The following SAMD9L variants were observed in gnomAD, a reference collection of about 807,000 sequenced individuals.
SAMD9L encodes sterile alpha motif domain containing 9 like.
In SAMD9L, 68 loss-of-function variants were observed where a neutral mutation model predicts 90.7. The observed-to-expected ratio is 0.75, with a 90% CI of 0.62 to 0.92. SAMD9L has a LOEUF of 0.92. Among genes scored for constraint, SAMD9L ranks in the 40% least tolerant of loss-of-function variants. The pLI, the probability that SAMD9L is intolerant of heterozygous loss-of-function variation, is 0.00. For missense variants in SAMD9L, 1,604 were observed against 1,824.3 expected, an observed-to-expected ratio of 0.88 and a Z score of 2.20; for synonymous variants, 640 against 630.1, an observed-to-expected ratio of 1.02 and a Z score of -0.23.
Position 93,135,513 on chromosome 7 carries a change from C to T in SAMD9L, c.459G>A (p.Lys153=). ...TCAATTGTTCAGGTTTTAGCTTACC[C>T]TTTTTCTTGTGTTTAGCATTTGCTA... The part of the protein sequence containing the change: ...DEVANAKHKK[K]GKLKPEQLTC... Residue 153 remains lysine (K), a synonymous_variant, in exon 5 of 5, where the codon AAG becomes AAA. Coordinates refer to ENST00000318238, the MANE Select transcript of SAMD9L (RefSeq NM_152703.5). The T allele has an allele frequency of 1.9e-6, 3 of 1,614,060 alleles. No individual in the cohort carries two copies. The highest frequency in any genetic ancestry group is 2.2e-5 in the South Asian group (2 of 91,072).
Position 93,132,169 on chromosome 7 carries a change from A to G in SAMD9L, c.3803T>C (p.Phe1268Ser). The G allele has an allele frequency of 6.2e-7, 1 of 1,613,330 alleles. No homozygotes were observed. The highest frequency in any genetic ancestry group is 8.5e-7 in the Non-Finnish European group (1 of 1,179,754). Residue 1268 changes from phenylalanine to serine, a missense_variant, in exon 5 of 5, where the codon TTT becomes TCT. By Grantham distance (155) the Phe-to-Ser change is radical. This residue lies in a region of SAMD9L where 302 missense variants were observed against 314.7 expected (regional missense o/e 0.96). Coordinates refer to ENST00000318238, the MANE Select transcript of SAMD9L (RefSeq NM_152703.5). ...KNLQSDLKRC[F>S]DFFIDYMVLL... ...AACCATATAATCAATAAAAAAGTCAAAGCACCTTTTCAGATCTGATTGTAA... is the reference window on the plus strand; with the variant it reads ...AACCATATAATCAATAAAAAAGTCAGAGCACCTTTTCAGATCTGATTGTAA...
Position 93,134,397 on chromosome 7 carries a change from G to A in SAMD9L, c.1575C>T (p.Val525=), listed in dbSNP as rs759720224. The A allele has an allele frequency of 6.2e-7, 1 of 1,612,876 alleles. No homozygotes were observed. The highest frequency in any genetic ancestry group is 8.5e-7 in the Non-Finnish European group (1 of 1,179,720). ...CTGTGAGAAATAAAATTAGTTTCCT[G>A]ACTTCTGAAGCTCTTTCTCTCTGCC... ...HLWQRERASE[V]RKLILFLTDE... The change falls in exon 5 of 5, where the codon GTC becomes GTT. Residue 525 remains valine, a synonymous_variant. Transcript: ENST00000318238.
rs537748493 is a variant in SAMD9L at position 93,131,333 on chromosome 7, G to A, written c.4639C>T (p.Pro1547Ser). The change falls in exon 5 of 5, where the codon CCA becomes TCA. Residue 1547 changes from proline (P) to serine (S), a missense_variant. Transcript: ENST00000318238. ...GGACCTGAATAAACAGATATTACTG[G>A]TATTTTTATTTTTTCCTCTGTTCCA... ...EYGTEEKIKI[P>S]VISVYSGPLR... The A allele has an allele frequency of 6.2e-7, 1 of 1,613,298 alleles. No homozygotes were observed. The highest frequency in any genetic ancestry group is 8.5e-7 in the Non-Finnish European group (1 of 1,179,560).
rs1584278725 is a variant in SAMD9L, at chr7:93,134,055, T to C, written c.1917A>G (p.Gly639=). Residue 639 remains glycine, a synonymous_variant, in exon 5 of 5, where the codon GGA becomes GGG. Coordinates refer to ENST00000318238, the MANE Select transcript of SAMD9L (RefSeq NM_152703.5). Reference sequence around the variant, plus strand: ...TTTTCTCTAGGATAACTGAAGAAGATCCACGGGCGGGCAAAAACCTTCTTG... The same window carrying C: ...TTTTCTCTAGGATAACTGAAGAAGACCCACGGGCGGGCAAAAACCTTCTTG... The part of the protein sequence containing the change: ...RSSRRFLPAR[G]SSSVILEKKK... 2 of 1,613,924 alleles carry C rather than the reference T, an allele frequency of 1.2e-6. No individual in the cohort carries two copies. Among genetic ancestry groups the C allele is most frequent in the Admixed American group, 3.3e-5 (2 of 59,980 alleles).
chr7:93,140,397 C>T (rs1335237113), intron 4 of SAMD9L, among the ~76,000 whole-genome samples: 4 of 150,054 alleles, frequency 2.7e-5, no homozygotes, highest in Admixed American at 2.6e-4. Context: ...TGGCCCTCCA[C>T]ACCCTGACTG....
rs373300673 is a variant in SAMD9L at position 93,134,111 on chromosome 7, T to A, written c.1861A>T (p.Ile621Phe). The change falls in exon 5 of 5, where the codon ATC (isoleucine) becomes TTC (phenylalanine). Residue 621 changes from isoleucine (I) to phenylalanine (F), a missense_variant. Physicochemically the swap from Ile to Phe is conservative, Grantham distance 21. Around this residue, in one of 7 missense-constraint regions of SAMD9L, gnomAD observed 606 missense variants for 717.6 expected, o/e 0.84. Coordinates refer to ENST00000318238, the MANE Select transcript of SAMD9L (RefSeq NM_152703.5). Reference protein sequence around the residue: ...TLNIELVNSTILKLKSVTRSS... With the variant: ...TLNIELVNSTFLKLKSVTRSS... Reference sequence around the variant, plus strand: ...CGAGTCACCGATTTTAGTTTAAGGATAGTGCTGTTTACCAGTTCTATATTT... The same window carrying A: ...CGAGTCACCGATTTTAGTTTAAGGAAAGTGCTGTTTACCAGTTCTATATTT... The A allele has an allele frequency of 2.5e-6, 4 of 1,613,858 alleles. No individual in the cohort carries two copies. In the African/African-American group the frequency reaches 5.3e-5, roughly 22 times the overall value.
intron 4 of SAMD9L, among the ~76,000 whole-genome samples, chr7:93,144,091 G>A (rs1359349499): frequency 1.3e-5 from 2 of 152,210 alleles, no homozygotes; most frequent in African/African-American, 2.4e-5. Flanking sequence ...CAGAACTAGT[G>A]TTGTCTTAGC....
At chr7:93,143,748 C>T (rs1792785880) in intron 4 of SAMD9L, among the ~76,000 whole-genome samples, 1 of 152,186 alleles carries the variant, frequency 6.6e-6, no homozygotes, top group East Asian at 1.9e-4. Flanking sequence ...TTCAATATTA[C>T]TTTCATGTGA....
At chr7:93,138,964 CAT>C (rs1433662928) in intron 4 of SAMD9L, among the ~76,000 whole-genome samples, 3 of 152,068 alleles carry the variant, frequency 2.0e-5, no homozygotes, top group Admixed American at 2.0e-4. Flanking sequence ...GAAGTCATTA[CAT>C]ATGAGATAAC....
intron 4 of SAMD9L, among the ~76,000 whole-genome samples, chr7:93,142,690 C>T (rs1584297110): frequency 6.6e-6 from 1 of 152,296 alleles, no homozygotes; most frequent in East Asian, 1.9e-4. Context: ...ACCCTAGGTC[C>T]TCAGTAAGCC....
At position 93,135,949 on chromosome 7, in the gene SAMD9L, G is replaced by A. The variant is rs1450665659; in HGVS notation, c.23C>T (p.Pro8Leu). 6.3e-7 allele frequency: 1 copy of A among 1,594,446 alleles called. No individual in the cohort carries two copies. Among genetic ancestry groups the A allele is most frequent in the African/African-American group, 1.4e-5 (1 of 73,886 alleles). The change falls in exon 5 of 5, where the codon CCT becomes CTT. Residue 8 changes from proline to leucine, a missense_variant. Pro to Leu is a moderately conservative substitution (Grantham distance 98, BLOSUM62 -3). This residue lies in a region of SAMD9L where 24 missense variants were observed against 41.8 expected (regional missense o/e 0.57). Coordinates refer to ENST00000318238, the MANE Select transcript of SAMD9L (RefSeq NM_152703.5). ...TTTGGTCCAGTCTTTAATCATTTCA[G>A]GTAGAGATACTTGTTTACTCATATC... MSKQVSL[P>L]EMIKDWTKEH...
chr7:93,143,484 A>G (rs978772855), intron 4 of SAMD9L, among the ~76,000 whole-genome samples: 1 of 152,050 alleles, frequency 6.6e-6, no homozygotes, highest in Non-Finnish European at 1.5e-5. Context: ...CTCCTCTCTC[A>G]TCAAACCTAC....
Position 93,135,339 on chromosome 7 carries a change from C to T in SAMD9L, c.633G>A (p.Val211=), listed in dbSNP as rs1409455915. The stretch of plus-strand genomic sequence containing the variant: ...CATTGCTGAATTTCATCTTAATGTC[C>T]ACTTCCGTGGCTGTTTCTGTGTTTG... The part of the protein sequence containing the change: ...ALTNTETATE[V]DIKMKFSNEV... The change falls in exon 5 of 5, where the codon GTG becomes GTA. Residue 211 remains valine (V), a synonymous_variant. Coordinates refer to ENST00000318238, the MANE Select transcript of SAMD9L (RefSeq NM_152703.5). 6.2e-7 allele frequency: 1 copy of T among 1,614,060 alleles called. No individual in the cohort carries two copies. Among genetic ancestry groups the T allele is most frequent in the Non-Finnish European group, 8.5e-7 (1 of 1,179,976 alleles).
chr7:93,137,785 T>C (rs1792517235), intron 4 of SAMD9L, among the ~76,000 whole-genome samples: 2 of 147,434 alleles, frequency 1.4e-5, no homozygotes, highest in African/African-American at 5.0e-5. Context: ...TCACAAAGTC[T>C]AGCCAAACTG....
Position 93,131,588 on chromosome 7 carries a change from G to A in SAMD9L, c.4384C>T (p.Gln1462Ter), listed in dbSNP as rs1792100285. 6.2e-7 allele frequency: 1 copy of A among 1,613,760 alleles called. No individual in the cohort carries two copies. ...TTGGACCTGCACATGCGCTTGTACT[G>A]TCCCCTGAAGGATCTATTTAAGGAT... ...VSSLNRSFRG[Q>*]YKRMCRSKQA... The change falls in exon 5 of 5, where the codon CAG becomes TAG. Residue 1462 changes from glutamine (Q) to a stop codon, truncating the protein, a stop_gained. Transcript: ENST00000318238. LOFTEE classifies it high-confidence loss of function.
rs753071620 is a variant in SAMD9L, at chr7:93,134,261, G to A, written c.1711C>T (p.Leu571Phe). ...IETFWAFYQA[L>F]KGMENMLCIS... ...CACAACATATTTTCCATTCCTTTGA[G>A]AGCTTGATAGAAAGCCCAGAAAGTT... Residue 571 changes from leucine to phenylalanine, a missense_variant, in exon 5 of 5, where the codon CTC becomes TTC. This residue lies in a region of SAMD9L where 606 missense variants were observed against 717.6 expected (regional missense o/e 0.84). Coordinates refer to ENST00000318238, the MANE Select transcript of SAMD9L (RefSeq NM_152703.5). The A allele has an allele frequency of 1.2e-6, 2 of 1,613,538 alleles. No homozygotes were observed. The highest frequency in any genetic ancestry group is 1.7e-6 in the Non-Finnish European group (2 of 1,179,862).
rs28662 is a variant in SAMD9L, at chr7:93,145,706, T to G, written c.-444A>C. The G allele has an allele frequency of 6.6e-6, 1 of 152,140 alleles. No homozygotes were observed. Among genetic ancestry groups the G allele is most frequent in the East Asian group, 1.9e-4 (1 of 5,198 alleles). The allele number at this position is 152,140 out of a possible 1,614,324, so 9.4% of individuals were successfully genotyped here. On this transcript the variant is annotated 5_prime_UTR_variant, in exon 3 of 5. Transcript: ENST00000318238. ...CCCAACTTTCTACTATGAAAATGTT[T>G]GAACATACAGAAAATTTGAAAGAAT...
intron 4 of SAMD9L, among the ~76,000 whole-genome samples, chr7:93,141,777 C>T: frequency 6.6e-6 from 1 of 152,200 alleles, no homozygotes; most frequent in East Asian, 1.9e-4. Flanking sequence ...ATTTTCAACA[C>T]AACAGCCAAC....
chr7:93,132,190 T>C lies in SAMD9L; in HGVS notation c.3782A>G (p.Gln1261Arg). The stretch of plus-strand genomic sequence containing the variant: ...GTCAAAGCACCTTTTCAGATCTGAT[T>C]GTAAATTTTTTAGGTGGGATGTGAA... ...SKFTSHLKNL[Q>R]SDLKRCFDFF... is the part of the protein sequence containing the mutation. Residue 1261 changes from glutamine to arginine, a missense_variant, in exon 5 of 5, where the codon CAA (glutamine) becomes CGA (arginine). This residue lies in a region of SAMD9L where 302 missense variants were observed against 314.7 expected (regional missense o/e 0.96). Transcript: ENST00000318238. The C allele has an allele frequency of 1.9e-6, 3 of 1,613,710 alleles. No individual in the cohort carries two copies. Among genetic ancestry groups the C allele is most frequent in the Non-Finnish European group, 1.7e-6 (2 of 1,179,848 alleles).
Sources: gnomAD v4.1 joint callset for allele counts (sites outside exome capture counted in the v4.1 genomes callset) on GRCh38, gnomAD v4.1.1 for gene constraint, gnomAD v4.1.1 regional missense constraint, MANE v1.5 for transcripts, NCBI Gene and HGNC (gene_info 2026-07-23, HGNC 2026-07-21) for gene names.